The following DIAPH2 variants were observed in gnomAD, a reference collection of about 807,000 sequenced individuals.
DIAPH2 encodes diaphanous related formin 2.
In DIAPH2, 35 loss-of-function variants were observed where a neutral mutation model predicts 92.7. That is an observed-to-expected ratio of 0.38 (90% confidence interval 0.29 to 0.50). The LOEUF (loss-of-function observed/expected upper bound fraction) is 0.50. DIAPH2 is among the 20% of genes least tolerant of loss of function. DIAPH2 has a pLI of 0.94. For missense variants in DIAPH2, 701 were observed against 819.5 expected (o/e 0.86, Z 1.77); for synonymous variants, 301 against 280.4 (o/e 1.07, Z -0.73).
intron 22 of DIAPH2, among the ~76,000 whole-genome samples, chrX:97,149,730 CA>C (rs55853481): frequency 0.091 from 2,816 of 30,988 alleles, 177 homozygotes; most frequent in African/African-American, 0.27. Flanking sequence ...GACTCCATCT[CA>C]AAAAAAAAAA....
chrX:96,848,061 A>G (rs968465890), intron 4 of DIAPH2, among the ~76,000 whole-genome samples: 2 of 108,948 alleles, frequency 1.8e-5, no homozygotes, highest in African/African-American at 6.7e-5. Flanking sequence ...TTTTTTAGAG[A>G]CAAGGTATTG....
At chrX:97,304,399 T>C (rs901211049) in intron 23 of DIAPH2, among the ~76,000 whole-genome samples, 8 of 112,309 alleles carry the variant, frequency 7.1e-5, no homozygotes, top group Admixed American at 2.9e-4. Context: ...ATAACAGCAG[T>C]ATTAAAACCA....
intron 19 of DIAPH2, among the ~76,000 whole-genome samples, chrX:97,095,782 C>T (rs923856340): frequency 1.8e-5 from 2 of 111,683 alleles, no homozygotes; most frequent in Non-Finnish European, 1.9e-5. Context: ...TAGTTAAAAG[C>T]GTGTGGTCTA....
At chrX:96,694,558 C>G (rs1474289515) in intron 1 of DIAPH2, among the ~76,000 whole-genome samples, 1 of 111,484 alleles carries the variant, frequency 9.0e-6, no homozygotes, top group Non-Finnish European at 1.9e-5. Context: ...CCAGGCTAGT[C>G]TCAAACTCCT....
chrX:97,430,107 T>A (rs892477871), intron 26 of DIAPH2, among the ~76,000 whole-genome samples: 1 of 112,022 alleles, frequency 8.9e-6, no homozygotes, highest in African/African-American at 3.2e-5. Context: ...GAGATCACAT[T>A]AGCTATTCAC....
At chrX:97,327,173 A>G (rs2068958078) in intron 23 of DIAPH2, among the ~76,000 whole-genome samples, 1 of 111,025 alleles carries the variant, frequency 9.0e-6, no homozygotes, top group East Asian at 2.8e-4. Flanking sequence ...ATCTCTGCTC[A>G]CTGCAACCTC....
At chrX:96,816,449 A>C (rs2147669455) in intron 4 of DIAPH2, among the ~76,000 whole-genome samples, 1 of 112,424 alleles carries the variant, frequency 8.9e-6, no homozygotes, top group South Asian at 3.7e-4. Flanking sequence ...TAATTGAAGA[A>C]GGAGAGAGAT....
At chrX:97,570,212 T>TAC (rs1201383294) in intron 26 of DIAPH2, among the ~76,000 whole-genome samples, 49 of 96,139 alleles carry the variant, frequency 5.1e-4, no homozygotes, top group African/African-American at 1.6e-3. Context: ...TATGTATATA[T>TAC]ACACACACAC....
chrX:97,069,163 A>C (rs1294983488), intron 17 of DIAPH2, among the ~76,000 whole-genome samples: 1 of 110,696 alleles, frequency 9.0e-6, no homozygotes, highest in African/African-American at 3.3e-5. Context: ...GGATTTCACC[A>C]TATTGGCCAG....
intron 26 of DIAPH2, among the ~76,000 whole-genome samples, chrX:97,562,160 T>TTAC (rs1334532751): frequency 9.0e-6 from 1 of 110,786 alleles, no homozygotes; most frequent in East Asian, 2.8e-4. Flanking sequence ...TAAGGTAGGG[T>TTAC]TACTCTCCTC....
intron 16 of DIAPH2, among the ~76,000 whole-genome samples, chrX:96,962,420 CAT>C (rs763042811): frequency 1.7e-4 from 10 of 60,169 alleles, no homozygotes; most frequent in Non-Finnish European, 2.9e-4. Flanking sequence ...TATATATACA[CAT>C]ATATATACAT....
intron 1 of DIAPH2, among the ~76,000 whole-genome samples, chrX:96,701,130 T>TC (rs1196390133): frequency 1.8e-5 from 2 of 111,735 alleles, no homozygotes; most frequent in Non-Finnish European, 3.8e-5. Flanking sequence ...ATCATTTCAT[T>TC]CCCCTTCAAT....
intron 24 of DIAPH2, among the ~76,000 whole-genome samples, chrX:97,376,899 G>C: frequency 9.0e-6 from 1 of 111,686 alleles, no homozygotes; most frequent in East Asian, 2.8e-4. Context: ...GTAACACATT[G>C]GTAAGTATTT....
At chrX:97,241,053 C>T (rs774404423) in intron 22 of DIAPH2, among the ~76,000 whole-genome samples, 19 of 111,438 alleles carry the variant, frequency 1.7e-4, no homozygotes, top group Admixed American at 3.8e-4. Flanking sequence ...TGACCTTGTG[C>T]CAATGAATGA....
intron 17 of DIAPH2, among the ~76,000 whole-genome samples, chrX:97,072,695 A>G (rs2066677223): frequency 8.9e-6 from 1 of 111,853 alleles, no homozygotes; most frequent in Non-Finnish European, 1.9e-5. Context: ...TTAGGTAAGA[A>G]GGAGCAATTG....
At chrX:96,708,135 A>C (rs1208352037) in intron 1 of DIAPH2, among the ~76,000 whole-genome samples, 1 of 110,354 alleles carries the variant, frequency 9.1e-6, no homozygotes, top group East Asian at 2.9e-4. Context: ...GGTAAATTTT[A>C]TCTTTGGGAT....
chrX:97,333,603 C>T (rs753710961), intron 23 of DIAPH2, among the ~76,000 whole-genome samples: 2 of 109,103 alleles, frequency 1.8e-5, no homozygotes, highest in East Asian at 2.9e-4. Context: ...CTCACTCTGT[C>T]GCTCAGGCTG....
chrX:97,314,245 CAA>C (rs1277986455), intron 23 of DIAPH2, among the ~76,000 whole-genome samples: 7 of 48,219 alleles, frequency 1.5e-4, no homozygotes, highest in Non-Finnish European at 1.2e-4. Context: ...CCTGTCTCTA[CAA>C]AAAAAAAAAA....
intron 26 of DIAPH2, among the ~76,000 whole-genome samples, chrX:97,520,301 TATC>T (rs1472352695): frequency 8.9e-6 from 1 of 112,369 alleles, no homozygotes; most frequent in African/African-American, 3.2e-5. Flanking sequence ...AAAAATGTTT[TATC>T]ATATTTTTCT....
Sources: allele counts gnomAD v4.1 joint callset (sites outside exome capture counted in the v4.1 genomes callset), GRCh38; gene constraint gnomAD v4.1.1; transcripts MANE v1.5; gene names NCBI Gene and HGNC (gene_info 2026-07-23, HGNC 2026-07-21).